GTF2A1L: variants seen among roughly 807,000 people sequenced by gnomAD.
GTF2A1L encodes general transcription factor IIA subunit 1 like, also known as TFIIA-alpha and beta-like factor.
GTF2A1L carries 48 observed loss-of-function variants against 49.7 expected under a neutral mutation model. The ratio of observed to expected loss-of-function variants is 0.97; its 90% CI spans 0.77 to 1.23. The LOEUF (loss-of-function observed/expected upper bound fraction) is 1.23, where lower values mean the gene tolerates loss of function less well. Among genes scored for constraint, GTF2A1L ranks in the 50% most tolerant of loss-of-function variants. GTF2A1L has a pLI of 0.00. For synonymous variants in GTF2A1L, 246 were observed against 193.5 expected (o/e 1.27, Z -2.25); for missense variants, 736 against 564.8 (o/e 1.30, Z -3.07).
At chr2:48,662,412 C>T (rs1055262814) in intron 6 of GTF2A1L, among the ~76,000 whole-genome samples, 1 of 152,116 alleles carries the variant, frequency 6.6e-6, no homozygotes, top group South Asian at 2.1e-4. Context: ...ACTTAAAGGA[C>T]TCCTTTTAAT....
At chr2:48,633,009 C>A (rs1676670131) in intron 3 of GTF2A1L, 1 of 233,462 alleles carries the variant, frequency 4.3e-6, no homozygotes, top group Non-Finnish European at 8.9e-6. Context: ...TGTTCTACAG[C>A]TTCTGTCATA....
At chr2:48,658,349 T>G (rs1421372668) in intron 6 of GTF2A1L, among the ~76,000 whole-genome samples, 5 of 152,232 alleles carry the variant, frequency 3.3e-5, no homozygotes, top group Non-Finnish European at 5.9e-5. Flanking sequence ...CACCATTTAT[T>G]GAATAGGGAG....
intron 1 of GTF2A1L, among the ~76,000 whole-genome samples, chr2:48,618,694 C>G (rs1675800822): frequency 6.6e-6 from 1 of 152,108 alleles, no homozygotes; most frequent in South Asian, 2.1e-4. Flanking sequence ...ACATAAAATA[C>G]CTATACTCTG....
In GTF2A1L at chr2:48,646,453, G is replaced by A. The variant is rs766400736; in HGVS notation, c.389G>A (p.Gly130Asp). ...PAGVTLQTVSGHLYKVNVPIM... is the reference protein window; with the variant it reads ...PAGVTLQTVSDHLYKVNVPIM... The stretch of plus-strand genomic sequence containing the variant: ...ACAATTTTGCTTTCTCCTTTTTAAG[G>A]TCACCTTTATAAAGTCAATGTACCA... Residue 130 changes from glycine (G) to aspartate (D), a missense_variant and splice_region_variant, in exon 6 of 9, where the codon GGT becomes GAT. Physicochemically the swap from Gly to Asp is moderately conservative, Grantham distance 94. Coordinates refer to ENST00000403751, the MANE Select transcript of GTF2A1L (RefSeq NM_006872.5). The A allele has an allele frequency of 1.3e-6, 2 of 1,570,326 alleles. No homozygotes were observed. The highest frequency in any genetic ancestry group is 2.8e-5 in the African/African-American group (2 of 72,358).
At position 48,646,659 on chromosome 2, in the gene GTF2A1L, A is replaced by G. The variant is rs763386660; in HGVS notation, c.595A>G (p.Ile199Val). 1.1e-5 allele frequency: 18 copies of G among 1,614,170 alleles called. No individual in the cohort carries two copies. The highest frequency in any genetic ancestry group is 1.4e-5 in the Non-Finnish European group (16 of 1,180,014). The stretch of plus-strand genomic sequence containing the variant: ...TGAAACCGTGCTACAGCAACCCGCA[A>G]TTCTACCTTCTGGGCCAGTAGATAG... The part of the protein sequence containing the change: ...RIETVLQQPA[I>V]LPSGPVDRKH... Residue 199 changes from isoleucine to valine, a missense_variant, in exon 6 of 9, where the codon ATT becomes GTT. By Grantham distance (29) the Ile-to-Val change is conservative. Transcript: ENST00000403751.
intron 7 of GTF2A1L, among the ~76,000 whole-genome samples, chr2:48,670,925 A>G (rs1213320441): frequency 6.6e-6 from 1 of 151,738 alleles, no homozygotes; most frequent in African/African-American, 2.4e-5. Flanking sequence ...CTGGGTTCAA[A>G]TGATTCTTAT....
Position 48,617,866 on chromosome 2 carries a change from G to T in GTF2A1L, c.-9G>T. On this transcript the variant is annotated 5_prime_UTR_variant, in exon 1 of 9. The change creates a new upstream start codon in the 5' untranslated region. Transcript: ENST00000403751. ...CAGGCGCAAAGGGCCAGGTGCTGGAGGTGCTGTCATGGCCTGCCTCAACCC... is the reference window on the plus strand; with the variant it reads ...CAGGCGCAAAGGGCCAGGTGCTGGATGTGCTGTCATGGCCTGCCTCAACCC... The T allele has an allele frequency of 6.4e-7, 1 of 1,551,820 alleles. No homozygotes were observed. Among genetic ancestry groups the T allele is most frequent in the Non-Finnish European group, 8.7e-7 (1 of 1,147,036 alleles).
chr2:48,648,173 T>C (rs1404064615), intron 6 of GTF2A1L, among the ~76,000 whole-genome samples: 2 of 152,270 alleles, frequency 1.3e-5, no homozygotes, highest in Admixed American at 1.3e-4. Context: ...TCTGAGCAAA[T>C]CTGTTTTTAG....
At chr2:48,660,127 A>G (rs1678403048) in intron 6 of GTF2A1L, among the ~76,000 whole-genome samples, 1 of 152,036 alleles carries the variant, frequency 6.6e-6, no homozygotes, top group Admixed American at 6.6e-5. Context: ...CTTGCATCCC[A>G]GGATTAAATC....
At chr2:48,630,911 A>G (rs1676532697) in intron 3 of GTF2A1L, among the ~76,000 whole-genome samples, 1 of 152,172 alleles carries the variant, frequency 6.6e-6, no homozygotes, top group Admixed American at 6.5e-5. Context: ...GTATTTGTCA[A>G]TAAATCATAT....
At chr2:48,647,278 A>G (rs1677574623) in intron 6 of GTF2A1L, among the ~76,000 whole-genome samples, 2 of 152,194 alleles carry the variant, frequency 1.3e-5, no homozygotes. Context: ...GTAGTGTTAT[A>G]TACATTCACA....
intron 6 of GTF2A1L, among the ~76,000 whole-genome samples, chr2:48,666,733 G>A (rs1405490152): frequency 6.6e-6 from 1 of 151,196 alleles, no homozygotes; most frequent in Admixed American, 6.6e-5. Flanking sequence ...CTCATATTGT[G>A]GTTTTTATTG....
At chr2:48,648,772 GTAACTTGTTTGTTAGTTTTAAAA>G (rs1677680310) in intron 6 of GTF2A1L, among the ~76,000 whole-genome samples, 1 of 152,034 alleles carries the variant, frequency 6.6e-6, no homozygotes, top group Non-Finnish European at 1.5e-5. Context: ...AACTTTTCAT[GTAACTTGTTTGTTAGTTTTAAAA>G]AAGGTCTATG....
intron 1 of GTF2A1L, among the ~76,000 whole-genome samples, chr2:48,620,633 G>A (rs1009195768): frequency 2.6e-5 from 4 of 152,032 alleles, no homozygotes; most frequent in South Asian, 2.1e-4. Context: ...AAAAATTAGC[G>A]GGGCATGGTG....
intron 6 of GTF2A1L, among the ~76,000 whole-genome samples, chr2:48,668,114 T>C (rs1678947504): frequency 1.3e-5 from 2 of 152,216 alleles, no homozygotes; most frequent in South Asian, 4.1e-4. Context: ...ATTTGCCTGT[T>C]CTAGGTACCT....
intron 6 of GTF2A1L, among the ~76,000 whole-genome samples, chr2:48,656,604 C>G (rs541971585): frequency 3.6e-4 from 54 of 152,052 alleles, no homozygotes; most frequent in African/African-American, 1.3e-3. Flanking sequence ...CACCTCTTAT[C>G]AGATGTATGA....
intron 6 of GTF2A1L, among the ~76,000 whole-genome samples, chr2:48,649,446 A>G (rs1263487920): frequency 6.6e-6 from 1 of 152,190 alleles, no homozygotes; most frequent in Non-Finnish European, 1.5e-5. Context: ...TGCTCCTGCC[A>G]ATCCATCCAT....
At chr2:48,648,716 T>G (rs1677675015) in intron 6 of GTF2A1L, among the ~76,000 whole-genome samples, 1 of 152,114 alleles carries the variant, frequency 6.6e-6, no homozygotes, top group Admixed American at 6.5e-5. Flanking sequence ...CATAGTAAGC[T>G]TTAGATTAGT....
At position 48,624,920 on chromosome 2, in the gene GTF2A1L, G is replaced by A. The variant is rs371494929; in HGVS notation, c.247+3630G>A. Among the ~76,000 whole-genome samples, 5 of 143,896 alleles carry A rather than the reference G, an allele frequency of 3.5e-5. 1 individual carries two copies. The East Asian group carries it at 9.8e-4, about 28-fold the overall frequency. 94.4% of individuals were successfully genotyped at this position (143,896 alleles called of 152,430 possible). A position where few individuals can be genotyped will look rare whatever the true frequency, so the allele number is the denominator to read the frequency against. On this transcript the variant is annotated intron_variant, in intron 3 of 8. Coordinates refer to ENST00000403751, the MANE Select transcript of GTF2A1L (RefSeq NM_006872.5). ...CTGAATCATATTCCTCTGTGTGTGT[G>A]TGTATACAGACATACCACAATTTCT...
Sources: allele counts gnomAD v4.1 joint callset (sites outside exome capture counted in the v4.1 genomes callset), GRCh38; gene constraint gnomAD v4.1.1; transcripts MANE v1.5; gene names NCBI Gene and HGNC (gene_info 2026-07-23, HGNC 2026-07-21).